The following MYOM2 variants were observed in gnomAD, a reference collection of about 807,000 sequenced individuals.
The protein encoded by MYOM2 is myomesin-2.
In MYOM2, 254 loss-of-function variants were observed where a neutral mutation model predicts 187.6. That is an observed-to-expected ratio of 1.35 (90% CI 1.22 to 1.50). MYOM2 has a LOEUF of 1.50. Among genes scored for constraint, MYOM2 ranks in the 40% most tolerant of loss-of-function variants. The pLI is 0.00. For missense variants in MYOM2, 2,796 were observed against 1,924.0 expected (o/e 1.45, Z -8.48); for synonymous variants, 981 against 753.8 (o/e 1.30, Z -4.94).
intron 13 of MYOM2, 136 bp from the exon 14 acceptor site, chr8:2,085,127 G>A (rs1267754017): frequency 2.0e-6 from 2 of 1,010,240 alleles, no homozygotes; most frequent in South Asian, 1.7e-5. Context: ...AGCATCTTTG[G>A]GGTTTGTTTG....
At position 2,078,825 on chromosome 8, in the gene MYOM2, T is replaced by C. The variant is rs1819523594; in HGVS notation, c.1354T>C (p.Ser452Pro). The C allele has an allele frequency of 1.2e-6, 2 of 1,614,068 alleles. No homozygotes were observed. Among genetic ancestry groups the C allele is most frequent in the East Asian group, 2.2e-5 (1 of 44,872 alleles). The change falls in exon 12 of 37, where the codon TCT becomes CCT. Residue 452 changes from serine (S) to proline (P), a missense_variant. Coordinates refer to ENST00000262113, the MANE Select transcript of MYOM2 (RefSeq NM_003970.4). ...YPVTGLFEGRSYIFRVRAVNS... is the reference protein window; with the variant it reads ...YPVTGLFEGRPYIFRVRAVNS... Reference sequence around the variant, plus strand: ...GGTCACAGGGCTTTTTGAAGGAAGGTCTTACATATTCCGAGTGAGGGCAGT... The same window carrying C: ...GGTCACAGGGCTTTTTGAAGGAAGGCCTTACATATTCCGAGTGAGGGCAGT...
intron 32 of MYOM2, among the ~76,000 whole-genome samples, chr8:2,138,229 G>C (rs1433944042): frequency 6.6e-6 from 1 of 152,232 alleles, no homozygotes; most frequent in East Asian, 1.9e-4. Context: ...CCAGCCTGCA[G>C]CTTGCAAACA....
chr8:2,121,312 G>A (rs1481028887), intron 28 of MYOM2, among the ~76,000 whole-genome samples: 2 of 152,050 alleles, frequency 1.3e-5, no homozygotes, highest in African/African-American at 2.4e-5. Flanking sequence ...TGTTCTGACC[G>A]TGCCATACAA....
chr8:2,048,930 C>T (rs6988588), intron 1 of MYOM2, among the ~76,000 whole-genome samples: 8,068 of 151,870 alleles, frequency 0.053, 328 homozygotes, highest in African/African-American at 0.12. Flanking sequence ...GCTGGGACTA[C>T]AGGGGACCCC....
intron 12 of MYOM2, among the ~76,000 whole-genome samples, 185 bp downstream of exon 12, chr8:2,079,118 G>T (rs1193206059): frequency 1.3e-5 from 2 of 152,112 alleles, no homozygotes; most frequent in African/African-American, 4.8e-5. Context: ...AATGAAAACG[G>T]GCTGACGTAC....
Position 2,078,763 on chromosome 8 carries a change from A to C in MYOM2, c.1292A>C (p.Gln431Pro). ...RCEVGTNNWV[Q>P]CNDAPVKICK... is the part of the protein sequence containing the mutation. ...GAAGTAGGAACGAATAATTGGGTGC[A>C]GTGCAATGATGCACCGGTGAAAATC... The change falls in exon 12 of 37, where the codon CAG (glutamine) becomes CCG (proline). Residue 431 changes from glutamine to proline, a missense_variant. Coordinates refer to ENST00000262113, the MANE Select transcript of MYOM2 (RefSeq NM_003970.4). 6.2e-7 allele frequency: 1 copy of C among 1,614,210 alleles called. No individual in the cohort carries two copies. The highest frequency in any genetic ancestry group is 8.5e-7 in the Non-Finnish European group (1 of 1,180,036).
intron 32 of MYOM2, among the ~76,000 whole-genome samples, chr8:2,131,409 T>C (rs1359262460): frequency 6.6e-6 from 1 of 151,718 alleles, no homozygotes; most frequent in Non-Finnish European, 1.5e-5. Context: ...TCATCAGTGC[T>C]CTCCCGAGAA....
chr8:2,125,675 T>C (rs936825595), intron 31 of MYOM2, among the ~76,000 whole-genome samples: 7 of 138,936 alleles, frequency 5.0e-5, no homozygotes, highest in African/African-American at 7.9e-5. Context: ...TGGGTGAATC[T>C]CGGCTCACTG....
intron 33 of MYOM2, 54 bp from the exon 34 acceptor site, chr8:2,141,083 GAATA>G (rs1260350574): frequency 6.5e-7 from 1 of 1,531,166 alleles, no homozygotes; most frequent in South Asian, 1.2e-5. Context: ...ATATTTGAGT[GAATA>G]AATAAAATCT....
intron 1 of MYOM2, among the ~76,000 whole-genome samples, chr8:2,049,167 A>C (rs1487531256): frequency 2.0e-5 from 3 of 152,182 alleles, no homozygotes; most frequent in Non-Finnish European, 4.4e-5. Flanking sequence ...ACTCTAAAAC[A>C]CGGCTGGGCC....
chr8:2,069,586 CTT>C (rs777983793), intron 8 of MYOM2, 89 bp downstream of exon 8: 1,500 of 1,184,972 alleles, frequency 1.3e-3, no homozygotes, highest in Non-Finnish European at 1.4e-3. Flanking sequence ...AGGGCCAAAT[CTT>C]TTTTTTTTTT....
At chr8:2,069,707 A>T (rs1381721839) in intron 8 of MYOM2, among the ~76,000 whole-genome samples, 1 of 150,240 alleles carries the variant, frequency 6.7e-6, no homozygotes, top group Non-Finnish European at 1.5e-5. Flanking sequence ...TCTTTTTTAC[A>T]AAAATCATTT....
At chr8:2,137,285 T>C (rs1021272233) in intron 32 of MYOM2, among the ~76,000 whole-genome samples, 5 of 151,926 alleles carry the variant, frequency 3.3e-5, no homozygotes, top group African/African-American at 1.2e-4. Context: ...GTGGCAGCGA[T>C]TGTTGCGTCC....
At chr8:2,136,969 A>G (rs1798097874) in intron 32 of MYOM2, among the ~76,000 whole-genome samples, 1 of 152,090 alleles carries the variant, frequency 6.6e-6, no homozygotes, top group South Asian at 2.1e-4. Flanking sequence ...ATACGGTGGA[A>G]ACTCCACTAG....
At position 2,049,200 on chromosome 8, in the gene MYOM2, C is replaced by T. The variant is rs370583054; in HGVS notation, c.-12-1555C>T. Among the ~76,000 whole-genome samples, 557 of 152,086 alleles carry T rather than the reference C, an allele frequency of 3.7e-3. 1 individual carries two copies. The highest frequency in any genetic ancestry group is 0.013 in the African/African-American group (520 of 41,490). ...GCCCTCCCAGGGTGGGGTGGTTGGTCGACTAGTTGGGTTTTAAGAGGCAAT... is the reference window on the plus strand; with the variant it reads ...GCCCTCCCAGGGTGGGGTGGTTGGTTGACTAGTTGGGTTTTAAGAGGCAAT... On this transcript the variant is annotated intron_variant, in intron 1 of 36. Transcript: ENST00000262113.
intron 10 of MYOM2, among the ~76,000 whole-genome samples, chr8:2,075,581 C>A (rs1245840729): frequency 6.6e-6 from 1 of 152,186 alleles, no homozygotes; most frequent in Admixed American, 6.5e-5. Context: ...GGTTCACATT[C>A]AGTGTATTAA....
At position 2,089,126 on chromosome 8, in the gene MYOM2, A is replaced by C. The variant is rs560297048; in HGVS notation, c.1645-882A>C. ...CTGGGTTGCTATCTGAATTTTCAGC[A>C]GGCTTACCAGGGTCAGTGTATATCC... On this transcript the variant is annotated intron_variant, in intron 14 of 36. Transcript: ENST00000262113. 1.4e-4 allele frequency among the ~76,000 whole-genome samples: 19 copies of C among 132,478 alleles called. No homozygotes were observed. In the South Asian group the frequency reaches 4.1e-3, roughly 28 times the overall value. The allele number at this position is 132,478 out of a possible 152,430, so 86.9% of individuals were successfully genotyped here.
intron 3 of MYOM2, 144 bp downstream of exon 3, chr8:2,052,457 T>C: frequency 1.2e-6 from 1 of 852,586 alleles, no homozygotes; most frequent in Non-Finnish European, 1.7e-6. Context: ...GGGAGAATGC[T>C]GCTGTTTCCC....
At chr8:2,099,029 GCT>G in intron 19 of MYOM2, 46 bp downstream of exon 19, 1 of 1,551,450 alleles carries the variant, frequency 6.4e-7, no homozygotes, top group Non-Finnish European at 8.8e-7. Flanking sequence ...GCACAGGCTG[GCT>G]GGGAAGGGGC....
Sources: gnomAD v4.1 joint callset for allele counts (sites outside exome capture counted in the v4.1 genomes callset) on GRCh38, gnomAD v4.1.1 for gene constraint, MANE v1.5 for transcripts, NCBI Gene and HGNC (gene_info 2026-07-23, HGNC 2026-07-21) for gene names.